The following ALK variants were observed in gnomAD, a reference collection of about 807,000 sequenced individuals.
The protein encoded by ALK is ALK tyrosine kinase receptor.
ALK carries 74 observed loss-of-function variants against 163.1 expected under a neutral mutation model. The ratio of observed to expected loss-of-function variants is 0.45; its 90% CI spans 0.38 to 0.55. The LOEUF (loss-of-function observed/expected upper bound fraction) is 0.55, where lower values mean the gene tolerates loss of function less well. ALK is among the 20% of genes least tolerant of loss of function. The pLI is 0.00. For synonymous variants in ALK, 960 were observed against 843.2 expected (o/e 1.14, Z -2.40); for missense variants, 2,063 against 2,105.3 (o/e 0.98, Z 0.39).
intron 5 of ALK, among the ~76,000 whole-genome samples, chr2:29,343,560 G>A (rs977150087): frequency 4.6e-5 from 7 of 152,058 alleles, no homozygotes; most frequent in Admixed American, 6.6e-5. Context: ...GCCTCAGTCC[G>A]CTTATTTATG....
intron 3 of ALK, among the ~76,000 whole-genome samples, chr2:29,633,999 C>T (rs1483458846): frequency 6.6e-6 from 1 of 152,082 alleles, no homozygotes; most frequent in Non-Finnish European, 1.5e-5. Context: ...AGAATTAATA[C>T]CAATTATATA....
At chr2:29,685,889 C>T (rs1393640390) in intron 3 of ALK, among the ~76,000 whole-genome samples, 3 of 152,218 alleles carry the variant, frequency 2.0e-5, no homozygotes, top group Non-Finnish European at 2.9e-5. Flanking sequence ...CTCCATTCTT[C>T]CTCTCACGGC....
At chr2:29,881,903 G>A (rs1242397886) in intron 1 of ALK, among the ~76,000 whole-genome samples, 1 of 152,258 alleles carries the variant, frequency 6.6e-6, no homozygotes, top group East Asian at 1.9e-4. Flanking sequence ...CAGATTGGAG[G>A]GAGAAACAAC....
intron 1 of ALK, among the ~76,000 whole-genome samples, chr2:29,877,428 C>T (rs1666751539): frequency 6.6e-6 from 1 of 152,126 alleles, no homozygotes; most frequent in Non-Finnish European, 1.5e-5. Context: ...TCTCCCTGAC[C>T]CTTACCAGCA....
chr2:29,407,369 C>T lies in ALK; in HGVS notation c.1155-23510G>A, dbSNP rs553686856. On this transcript the variant is annotated intron_variant, in intron 4 of 28. Coordinates refer to ENST00000389048, the MANE Select transcript of ALK (RefSeq NM_004304.5). ...TATTGAACTCTTATTAAGTGGCAGA[C>T]ATTGTGTTAAGCACTTCTAAGCCAT... Among the ~76,000 whole-genome samples the T allele has an allele frequency of 1.2e-4, 18 of 152,342 alleles. No individual in the cohort carries two copies. In the South Asian group the frequency reaches 3.5e-3, roughly 30 times the overall value.
chr2:29,209,972 A>T, intron 24 of ALK, 94 bp from the exon 25 acceptor site: 1 of 968,794 alleles, frequency 1.0e-6, no homozygotes, highest in Non-Finnish European at 1.6e-6. Context: ...GCTGAAGTTT[A>T]AATAGTTCCT....
Position 29,193,429 on chromosome 2 carries a change from G to C in ALK, c.4658C>G (p.Ala1553Gly), listed in dbSNP as rs1553386898. Residue 1553 changes from alanine to glycine, a missense_variant, in exon 29 of 29, where the codon GCC becomes GGC. Ala to Gly is a moderately conservative substitution (Grantham distance 60). Coordinates refer to ENST00000389048, the MANE Select transcript of ALK (RefSeq NM_004304.5). ...CGAAGAGGGCTCTAGGAGCAGTGAG[G>C]CCCCCGGAAGTCTCCCAGTTGCAAC... ...PNVATGRLPG[A>G]SLLLEPSSLT... 2 of 1,614,074 alleles carry C rather than the reference G, an allele frequency of 1.2e-6. No homozygotes were observed. The highest frequency in any genetic ancestry group is 8.5e-7 in the Non-Finnish European group (1 of 1,180,052).
At chr2:29,766,602 C>T (rs571675401) in intron 1 of ALK, among the ~76,000 whole-genome samples, 95 of 152,280 alleles carry the variant, frequency 6.2e-4, no homozygotes, top group African/African-American at 2.1e-3. Context: ...TATCTGTGAT[C>T]TAAATCTATG....
intron 4 of ALK, among the ~76,000 whole-genome samples, chr2:29,449,491 G>C (rs113004019): frequency 1.3e-5 from 2 of 152,314 alleles, no homozygotes; most frequent in African/African-American, 4.8e-5. Flanking sequence ...CTGCCCAGCT[G>C]CTGTGTTGGG....
At chr2:29,350,336 A>C (rs750903245) in intron 5 of ALK, among the ~76,000 whole-genome samples, 4 of 152,266 alleles carry the variant, frequency 2.6e-5, no homozygotes, top group African/African-American at 7.2e-5. Context: ...GCATGAGAAT[A>C]GCCTTGGGCC....
chr2:29,511,797 C>G (rs1361802066), intron 4 of ALK, among the ~76,000 whole-genome samples: 1 of 152,186 alleles, frequency 6.6e-6, no homozygotes, highest in East Asian at 1.9e-4. Context: ...ATATCCTTAA[C>G]AACACTTGGT....
intron 3 of ALK, among the ~76,000 whole-genome samples, chr2:29,620,485 C>CT (rs10707440): frequency 1.5e-5 from 2 of 137,702 alleles, no homozygotes; most frequent in East Asian, 2.2e-4. Flanking sequence ...ATACTTTTCT[C>CT]TTTTTTTTTG....
chr2:29,557,772 G>C (rs1673904457), intron 3 of ALK, among the ~76,000 whole-genome samples: 1 of 152,106 alleles, frequency 6.6e-6, no homozygotes, highest in Non-Finnish European at 1.5e-5. Flanking sequence ...GTATACATAG[G>C]TCCTAAGTGC....
chr2:29,816,416 C>G (rs1008926028), intron 1 of ALK, among the ~76,000 whole-genome samples: 5 of 152,112 alleles, frequency 3.3e-5, no homozygotes, highest in Non-Finnish European at 7.3e-5. Flanking sequence ...ACAGTGGCCT[C>G]CTAATCCAAT....
intron 1 of ALK, among the ~76,000 whole-genome samples, chr2:29,904,116 T>C (rs1300902623): frequency 6.6e-6 from 1 of 152,192 alleles, no homozygotes; most frequent in Non-Finnish European, 1.5e-5. Flanking sequence ...CACATTACAG[T>C]TTTTAAATTT....
chr2:29,831,189 AAGGGGAAGGGGAAGG>A (rs1665395770), intron 1 of ALK, among the ~76,000 whole-genome samples: 1 of 59,528 alleles, frequency 1.7e-5, no homozygotes, highest in East Asian at 1.2e-3. Context: ...GGGGAAGGGG[AAGGGGAAGGGGAAGG>A]GGAAGAGGAA....
At chr2:29,820,109 T>C (rs1451702633) in intron 1 of ALK, among the ~76,000 whole-genome samples, 1 of 152,208 alleles carries the variant, frequency 6.6e-6, no homozygotes, top group East Asian at 1.9e-4. Flanking sequence ...TTAGCGACTA[T>C]CTTCTAATGA....
intron 7 of ALK, among the ~76,000 whole-genome samples, chr2:29,320,103 C>G (rs943662933): frequency 1.3e-5 from 2 of 152,240 alleles, no homozygotes; most frequent in African/African-American, 4.8e-5. Context: ...CCACATCCTG[C>G]CCAGCCTGGT....
chr2:29,595,923 C>A (rs1268088626), intron 3 of ALK, among the ~76,000 whole-genome samples: 1 of 152,024 alleles, frequency 6.6e-6, no homozygotes, highest in African/African-American at 2.4e-5. Flanking sequence ...GAACTCTGGA[C>A]GAAGATAAGG....
Sources: allele counts gnomAD v4.1 joint callset (sites outside exome capture counted in the v4.1 genomes callset), GRCh38; gene constraint gnomAD v4.1.1; transcripts MANE v1.5; gene names NCBI Gene and HGNC (gene_info 2026-07-23, HGNC 2026-07-21).